The following ZNF536 variants were observed in gnomAD, a reference collection of about 807,000 sequenced individuals.
ZNF536 encodes the protein zinc finger protein 536.
In ZNF536, 13 loss-of-function variants were observed where a neutral mutation model predicts 84.5. That is an observed-to-expected ratio of 0.15 (90% CI 0.10 to 0.24). The LOEUF (loss-of-function observed/expected upper bound fraction) is 0.24, where lower values mean the gene tolerates loss of function less well. ZNF536 is among the 10% of genes least tolerant of loss of function. The probability of loss-of-function intolerance (pLI) is 1.00; values close to 1 mark genes in which losing one functional copy is unlikely to be tolerated. For missense variants in ZNF536, 1,536 were observed against 1,747.5 expected (o/e 0.88, Z 2.16); for synonymous variants, 811 against 742.5 (o/e 1.09, Z -1.50).
chr19:30,613,488 G>A (rs2048173802), intron 1 of ZNF536, among the ~76,000 whole-genome samples: 1 of 151,116 alleles, frequency 6.6e-6, no homozygotes, highest in South Asian at 2.1e-4. Flanking sequence ...CAGTGTAGAT[G>A]CACTGATATT....
intron 3 of ZNF536, among the ~76,000 whole-genome samples, chr19:30,363,249 T>G (rs1306911051): frequency 1.3e-5 from 2 of 152,160 alleles, no homozygotes; most frequent in African/African-American, 2.4e-5. Flanking sequence ...AATCCAGATC[T>G]TCTGTGCACC....
At chr19:30,620,910 G>C (rs1356692449) in intron 1 of ZNF536, among the ~76,000 whole-genome samples, 1 of 151,710 alleles carries the variant, frequency 6.6e-6, no homozygotes, top group Non-Finnish European at 1.5e-5. Context: ...GAAAAGATTT[G>C]TGTCACCTGT....
intron 1 of ZNF536, among the ~76,000 whole-genome samples, chr19:30,565,271 G>C (rs1033460684): frequency 4.6e-5 from 7 of 152,004 alleles, no homozygotes; most frequent in African/African-American, 1.7e-4. Context: ...CTTCTTCAAG[G>C]GTAAGGTCAG....
chr19:30,247,828 C>G (rs1017485860), intron 1 of ZNF536, among the ~76,000 whole-genome samples: 1 of 152,202 alleles, frequency 6.6e-6, no homozygotes, highest in Non-Finnish European at 1.5e-5. Flanking sequence ...GATGCTGTCT[C>G]ACTGTCACTT....
intron 1 of ZNF536, among the ~76,000 whole-genome samples, chr19:30,264,533 T>C (rs981416993): frequency 6.6e-6 from 1 of 152,216 alleles, no homozygotes; most frequent in African/African-American, 2.4e-5. Context: ...ATTTTGTATA[T>C]GTTAAATGAA....
At chr19:30,671,569 G>A (rs950161112) in intron 1 of ZNF536, among the ~76,000 whole-genome samples, 2 of 152,138 alleles carry the variant, frequency 1.3e-5, no homozygotes, top group Non-Finnish European at 2.9e-5. Context: ...GCGGGGCAGG[G>A]GTGGAGGCCC....
At chr19:30,285,814 G>T (rs896038646) in intron 2 of ZNF536, among the ~76,000 whole-genome samples, 3 of 152,184 alleles carry the variant, frequency 2.0e-5, no homozygotes, top group African/African-American at 7.2e-5. Flanking sequence ...CTGATAGCAT[G>T]CCTCCACCAA....
At chr19:30,683,295 G>A (rs2051048145) in intron 1 of ZNF536, among the ~76,000 whole-genome samples, 1 of 152,164 alleles carries the variant, frequency 6.6e-6, no homozygotes. Context: ...GTGAAAGGGT[G>A]GAAAAGAATT....
At chr19:30,408,687 G>C (rs2050362030) in intron 1 of ZNF536, among the ~76,000 whole-genome samples, 1 of 152,114 alleles carries the variant, frequency 6.6e-6, no homozygotes, top group Non-Finnish European at 1.5e-5. Context: ...TTAGTAATTA[G>C]TTATTCATCC....
chr19:30,236,783 A>T (rs954440491), intron 1 of ZNF536, among the ~76,000 whole-genome samples: 2 of 152,108 alleles, frequency 1.3e-5, no homozygotes, highest in African/African-American at 2.4e-5. Flanking sequence ...GTGCCCTGGG[A>T]TGTAACGGAT....
At chr19:30,301,369 T>C (rs2046178260) in intron 2 of ZNF536, among the ~76,000 whole-genome samples, 1 of 152,198 alleles carries the variant, frequency 6.6e-6, no homozygotes, top group Non-Finnish European at 1.5e-5. Context: ...GTAGCGGCGA[T>C]GCGGACGCTG....
chr19:30,489,670 CTTGTT>C lies in ZNF536; in HGVS notation c.2170+43945_2170+43949del, dbSNP rs201958395. The stretch of plus-strand genomic sequence containing the variant: ...AAATAAAATATAAAACTGTATGTAA[CTTGTT>C]TTGTTTATATTCGAATAATACTTTA... On this transcript the variant is annotated intron_variant, in intron 2 of 4. Coordinates refer to ENST00000355537, the MANE Select transcript of ZNF536 (RefSeq NM_014717.3). Among the ~76,000 whole-genome samples the C allele has an allele frequency of 9.9e-3, 1,513 of 152,072 alleles. 19 individuals are homozygous for C. Among genetic ancestry groups the C allele is most frequent in the East Asian group, 0.023 (121 of 5,176 alleles).
intron 1 of ZNF536, among the ~76,000 whole-genome samples, chr19:30,440,881 GGATAGATAGATA>G (rs56021291): frequency 0.33 from 48,646 of 145,454 alleles, 8,483 homozygotes; most frequent in African/African-American, 0.43. Flanking sequence ...ACTCTGGCCA[GGATAGATAGATA>G]GATAGATAGA....
At chr19:30,511,646 C>T (rs2055418570) in intron 2 of ZNF536, among the ~76,000 whole-genome samples, 1 of 152,164 alleles carries the variant, frequency 6.6e-6, no homozygotes, top group Admixed American at 6.5e-5. Context: ...CTCACCCCCA[C>T]AGCAGACATT....
rs1323886538 is a variant in ZNF536 at position 30,256,391 on chromosome 19, G to C, written c.-189-27681G>C. On this transcript the variant is annotated intron_variant, in intron 1 of 5. Coordinates refer to the ZNF536 transcript ENST00000585628. Reference sequence around the variant, plus strand: ...ATTGGCCTAATTGGACATTTTTTACGAGCCCGGTTTGCTATTTATGTTAAA... The same window carrying C: ...ATTGGCCTAATTGGACATTTTTTACCAGCCCGGTTTGCTATTTATGTTAAA... 2.0e-5 allele frequency among the ~76,000 whole-genome samples: 3 copies of C among 152,184 alleles called. No individual in the cohort carries two copies. The Middle Eastern group carries it at 0.01, about 518-fold the overall frequency.
intron 1 of ZNF536, among the ~76,000 whole-genome samples, chr19:30,618,840 ACT>A (rs2048387475): frequency 6.6e-6 from 1 of 151,280 alleles, no homozygotes. Flanking sequence ...ATTTTCTAAG[ACT>A]CTGTTTTTCA....
intron 2 of ZNF536, among the ~76,000 whole-genome samples, chr19:30,532,042 C>A (rs1234607068): frequency 6.6e-6 from 1 of 152,176 alleles, no homozygotes; most frequent in East Asian, 1.9e-4. Context: ...CTTGCTACTG[C>A]TCTCTGGCGG....
intron 3 of ZNF536, among the ~76,000 whole-genome samples, chr19:30,365,516 T>C (rs2048399853): frequency 6.6e-6 from 1 of 152,212 alleles, no homozygotes; most frequent in African/African-American, 2.4e-5. Context: ...AGGGAATCCC[T>C]GGTGTGCTTG....
chr19:30,574,176 A>G (rs753059518), intron 1 of ZNF536, among the ~76,000 whole-genome samples: 19 of 152,214 alleles, frequency 1.2e-4, no homozygotes, highest in Non-Finnish European at 2.5e-4. Flanking sequence ...CAGCCTTAAA[A>G]TACTTTATCT....
Sources: allele counts gnomAD v4.1 joint callset (sites outside exome capture counted in the v4.1 genomes callset), GRCh38; gene constraint gnomAD v4.1.1; transcripts MANE v1.5; gene names NCBI Gene and HGNC (gene_info 2026-07-23, HGNC 2026-07-21).